CCDC88C: variants seen among roughly 807,000 people sequenced by gnomAD.
CCDC88C encodes coiled-coil and HOOK domain protein 88C.
In CCDC88C, 131 loss-of-function variants were observed where a neutral mutation model predicts 198.8. The observed-to-expected ratio is 0.66, with a 90% CI of 0.57 to 0.76. The LOEUF is 0.76. CCDC88C is among the 30% of genes least tolerant of loss of function. The pLI, the probability that CCDC88C is intolerant of heterozygous loss-of-function variation, is 0.00. For synonymous variants in CCDC88C, 1,166 were observed against 1,114.7 expected (o/e 1.05, Z -0.92); for missense variants, 2,553 against 2,631.6 (o/e 0.97, Z 0.65).
chr14:91,295,410 C>A (rs1890957757), intron 22 of CCDC88C, among the ~76,000 whole-genome samples: 1 of 152,168 alleles, frequency 6.6e-6, no homozygotes, highest in African/African-American at 2.4e-5. Context: ...GCTTGGGAGT[C>A]AGGCACGTCA....
chr14:91,342,424 G>A lies in CCDC88C; in HGVS notation c.439C>T (p.Leu147=). The A allele has an allele frequency of 1.3e-6, 2 of 1,599,052 alleles. No homozygotes were observed. Among genetic ancestry groups the A allele is most frequent in the Non-Finnish European group, 1.7e-6 (2 of 1,172,748 alleles). ...ATGCCAGCCTGGGTCTCAATGTCCA[G>A]CTGTTTGATTCTTTCAATGAACTCC... ...KEEFIERIKQ[L]DIETQAGIVA... is the part of the protein sequence containing the mutation. Residue 147 remains leucine, a synonymous_variant, in exon 6 of 30, where the codon CTG becomes TTG. Coordinates refer to ENST00000389857, the MANE Select transcript of CCDC88C (RefSeq NM_001080414.4).
rs1229403790 is a variant in CCDC88C at position 91,352,655 on chromosome 14, ATATACACT to A, written c.340+6979_340+6986del. Among the ~76,000 whole-genome samples the A allele has an allele frequency of 1.3e-5, 2 of 152,210 alleles. No homozygotes were observed. The highest frequency in any genetic ancestry group is 2.9e-5 in the Non-Finnish European group (2 of 68,036). Reference sequence around the variant, plus strand: ...AAATTATATATATATACACACACACATATACACTTATACACAGGATTAGAGAATTATGG... The same window carrying A: ...AAATTATATATATATACACACACACATATACACAGGATTAGAGAATTATGG... On this transcript the variant is annotated intron_variant, in intron 4 of 29. Transcript: ENST00000389857. The surrounding 1 kb of genome is among the most constrained non-coding windows in gnomAD (Gnocchi z 4.2).
At chr14:91,395,068 A>G (rs1885761844) in intron 3 of CCDC88C, among the ~76,000 whole-genome samples, 2 of 152,166 alleles carry the variant, frequency 1.3e-5, no homozygotes, top group Admixed American at 1.3e-4. Flanking sequence ...CTTTTCAAAT[A>G]AGAAAGACTC....
chr14:91,381,284 C>G lies in CCDC88C; in HGVS notation c.271-21573G>C, dbSNP rs1884776266. Reference sequence around the variant, plus strand: ...CCCTCACACATGCCCGTGAGGGGGTCAAACTCCAAATCTCAAACAACCTGT... The same window carrying G: ...CCCTCACACATGCCCGTGAGGGGGTGAAACTCCAAATCTCAAACAACCTGT... On this transcript the variant is annotated intron_variant, in intron 3 of 29. Transcript: ENST00000389857. The surrounding 1 kb of genome is among the most constrained non-coding windows in gnomAD (Gnocchi z 4.2). 1.3e-5 allele frequency among the ~76,000 whole-genome samples: 2 copies of G among 152,148 alleles called. No individual in the cohort carries two copies. Among genetic ancestry groups the G allele is most frequent in the Non-Finnish European group, 2.9e-5 (2 of 68,030 alleles).
intron 3 of CCDC88C, among the ~76,000 whole-genome samples, chr14:91,376,423 G>A (rs1390312778): frequency 6.6e-6 from 1 of 152,116 alleles, no homozygotes; most frequent in Non-Finnish European, 1.5e-5. Context: ...TAGGAGCCAG[G>A]GCGTTATAGT....
chr14:91,328,411 G>T (rs1442170960), intron 10 of CCDC88C, among the ~76,000 whole-genome samples: 1 of 152,176 alleles, frequency 6.6e-6, no homozygotes, highest in African/African-American at 2.4e-5. Context: ...GAGGAGGAGT[G>T]GGAAGCCGGA....
Position 91,339,867 on chromosome 14 carries a change from C to G in CCDC88C, c.624+17G>C, listed in dbSNP as rs779622363. On this transcript the variant is annotated intron_variant, in intron 7 of 29. Transcript: ENST00000389857. The surrounding 1 kb of genome is among the most constrained non-coding windows in gnomAD (Gnocchi z 5.8). ...GCCCCTTCCCAGGCTGACCGGGCCA[C>G]CGACCCGCGGACGCACCTCGGTGCA... 7.6e-6 allele frequency: 12 copies of G among 1,570,252 alleles called. No homozygotes were observed. The highest frequency in any genetic ancestry group is 9.5e-6 in the Non-Finnish European group (11 of 1,157,552).
chr14:91,351,919 ACCTG>A, intron 4 of CCDC88C, among the ~76,000 whole-genome samples: 1 of 151,766 alleles, frequency 6.6e-6, no homozygotes, highest in African/African-American at 2.4e-5. Flanking sequence ...CTCCTACCCC[ACCTG>A]CCTGCCACGC....
chr14:91,293,279 G>A (rs192995482), intron 23 of CCDC88C, among the ~76,000 whole-genome samples: 4 of 5,784 alleles, frequency 6.9e-4, no homozygotes, highest in African/African-American at 2.7e-3. Flanking sequence ...TGCCACGGCC[G>A]ACCTTCCTGT....
intron 3 of CCDC88C, among the ~76,000 whole-genome samples, chr14:91,369,202 C>T (rs926100524): frequency 3.3e-5 from 5 of 152,176 alleles, no homozygotes; most frequent in South Asian, 2.1e-4. Flanking sequence ...CCTTCAATAA[C>T]GACTCACGAC....
chr14:91,396,243 A>C (rs1885832785), intron 3 of CCDC88C, among the ~76,000 whole-genome samples: 1 of 152,080 alleles, frequency 6.6e-6, no homozygotes. Context: ...CTTCTTCAGA[A>C]ACTCCTTTTG....
intron 14 of CCDC88C, among the ~76,000 whole-genome samples, chr14:91,315,175 T>C (rs1892039840): frequency 6.6e-6 from 1 of 152,092 alleles, no homozygotes; most frequent in Non-Finnish European, 1.5e-5. Context: ...CTGCTAAGGC[T>C]GGCAGAGCTG....
chr14:91,332,839 G>A (rs148202982), intron 10 of CCDC88C, among the ~76,000 whole-genome samples: 335 of 152,278 alleles, frequency 2.2e-3, no homozygotes, highest in South Asian at 6.9e-3. Context: ...TGCCTTGTGT[G>A]TGCCAGGCTC....
Position 91,313,130 on chromosome 14 carries a change from G to A in CCDC88C, c.2686C>T (p.Leu896Phe). ...GCATGCACGGTGACTTGCTTGGTGA[G>A]GTCCCGGTTGTCCTTCTCCAGCTCC... ...LKELEKDNRD[L>F]TKQVTVHART... Residue 896 changes from leucine to phenylalanine, a missense_variant, in exon 15 of 30, where the codon CTC becomes TTC. This residue lies in a region of CCDC88C where 1,260 missense variants were observed against 1,412.0 expected (regional missense o/e 0.89). Transcript: ENST00000389857. The surrounding 1 kb of genome is among the most constrained non-coding windows in gnomAD (Gnocchi z 5.2). 6.2e-7 allele frequency: 1 copy of A among 1,607,544 alleles called. No individual in the cohort carries two copies. Among genetic ancestry groups the A allele is most frequent in the Non-Finnish European group, 8.5e-7 (1 of 1,175,464 alleles).
intron 25 of CCDC88C, among the ~76,000 whole-genome samples, chr14:91,286,657 C>G (rs1017408359): frequency 6.6e-6 from 1 of 152,222 alleles, no homozygotes; most frequent in African/African-American, 2.4e-5. Flanking sequence ...GCTCACACCA[C>G]AGAATAAGGG....
At chr14:91,285,885 C>T in intron 25 of CCDC88C, 1 of 1,066,286 alleles carries the variant, frequency 9.4e-7, no homozygotes, top group South Asian at 1.4e-5. Flanking sequence ...AAAAAGAAAA[C>T]ACAAATAAAT....
intron 3 of CCDC88C, among the ~76,000 whole-genome samples, chr14:91,365,966 C>G (rs1319865133): frequency 6.6e-6 from 1 of 152,062 alleles, no homozygotes; most frequent in Non-Finnish European, 1.5e-5. Flanking sequence ...AAAAAGAAAA[C>G]AAAACCTCAA....
rs1893165265 is a variant in CCDC88C, at chr14:91,338,638, T to G, written c.810-68A>C. ...TCAACAAGCAGCCCTGGGAGCAGGC[T>G]GCCACTTCCTAAAACCTGTGGGAAA... On this transcript the variant is annotated intron_variant, in intron 8 of 29. Transcript: ENST00000389857. The surrounding 1 kb of genome is among the most constrained non-coding windows in gnomAD (Gnocchi z 4.8). The G allele has an allele frequency of 8.3e-7, 1 of 1,199,958 alleles. No homozygotes were observed. Among genetic ancestry groups the G allele is most frequent in the Non-Finnish European group, 1.2e-6 (1 of 828,610 alleles). The allele number at this position is 1,199,958 out of a possible 1,614,324, so 74.3% of individuals were successfully genotyped here. A position where few individuals can be genotyped will look rare whatever the true frequency, so the allele number is the denominator to read the frequency against.
intron 3 of CCDC88C, among the ~76,000 whole-genome samples, chr14:91,386,289 C>CAAAAAAAAAAA (rs1239070390): frequency 7.5e-5 from 8 of 106,824 alleles, no homozygotes; most frequent in African/African-American, 2.0e-4. Flanking sequence ...ACTAAAAATA[C>CAAAAAAAAAAA]AAAAAAAAAA....
Sources: gnomAD v4.1 joint callset for allele counts (sites outside exome capture counted in the v4.1 genomes callset) on GRCh38, gnomAD v4.1.1 for gene constraint, gnomAD v4.1.1 regional missense constraint, Gnocchi (gnomAD v3.1) non-coding constraint, MANE v1.5 for transcripts, NCBI Gene and HGNC (gene_info 2026-07-23, HGNC 2026-07-21) for gene names.